Variants in MACROD2 observed in about 807,000 individuals in gnomAD.
The protein encoded by MACROD2 is ADP-ribose glycohydrolase MACROD2.
Under a neutral mutation model 70.4 loss-of-function variants are expected in MACROD2, and 36 were observed. The ratio of observed to expected loss-of-function variants is 0.51; its 90% CI spans 0.39 to 0.68. The LOEUF is 0.68. MACROD2 is among the 30% of genes least tolerant of loss of function. The pLI is 0.00. For synonymous variants in MACROD2, 172 were observed against 178.8 expected, an observed-to-expected ratio of 0.96 and a Z score of 0.30; for missense variants, 496 against 538.4, an observed-to-expected ratio of 0.92 and a Z score of 0.78.
intron 8 of MACROD2, among the ~76,000 whole-genome samples, chr20:15,560,875 T>C (rs2146606469): frequency 6.6e-6 from 1 of 151,754 alleles, no homozygotes; most frequent in East Asian, 1.9e-4. Flanking sequence ...CTGGTTTATG[T>C]CTAAAACAGA....
At chr20:15,363,536 A>G (rs896016066) in intron 6 of MACROD2, among the ~76,000 whole-genome samples, 29 of 152,178 alleles carry the variant, frequency 1.9e-4, no homozygotes, top group Non-Finnish European at 4.0e-4. Context: ...TACCAAATGG[A>G]AGAAATAAGA....
At chr20:15,695,593 T>C (rs1480341346) in intron 8 of MACROD2, among the ~76,000 whole-genome samples, 1 of 152,042 alleles carries the variant, frequency 6.6e-6, no homozygotes, top group African/African-American at 2.4e-5. Context: ...GTATTTTTAG[T>C]AGAGTTGGGG....
intron 3 of MACROD2, among the ~76,000 whole-genome samples, chr20:14,206,409 G>T (rs2081523304): frequency 6.6e-6 from 1 of 152,186 alleles, no homozygotes; most frequent in Non-Finnish European, 1.5e-5. Flanking sequence ...AAGACCAGTT[G>T]TGGGACCATT....
At chr20:15,036,317 A>G (rs2075312796) in intron 5 of MACROD2, among the ~76,000 whole-genome samples, 1 of 152,174 alleles carries the variant, frequency 6.6e-6, no homozygotes, top group South Asian at 2.1e-4. Context: ...ATTGCAGTAC[A>G]TTACGATGAC....
intron 3 of MACROD2, among the ~76,000 whole-genome samples, chr20:14,423,723 C>T (rs2122902852): frequency 7.4e-6 from 1 of 135,360 alleles, no homozygotes; most frequent in Admixed American, 7.3e-5. Context: ...AAAAAAGTTG[C>T]TTTCTAGTCC....
chr20:15,418,890 C>G (rs752513569), intron 6 of MACROD2, among the ~76,000 whole-genome samples: 14 of 152,168 alleles, frequency 9.2e-5, no homozygotes, highest in Non-Finnish European at 8.8e-5. Context: ...TTTCCTCCTT[C>G]TTACCAAGAC....
intron 8 of MACROD2, among the ~76,000 whole-genome samples, chr20:15,772,101 A>AAAAAAAAAAAAAAAAAATAAATATATAT (rs1555777716): frequency 1.1e-5 from 1 of 91,442 alleles, no homozygotes; most frequent in Non-Finnish European, 1.9e-5. Flanking sequence ...AAAAAAAAAA[A>AAAAAAAAAAAAAAAAAATAAATATATAT]ATATATATAT....
chr20:14,417,617 A>C (rs374476248), intron 3 of MACROD2, among the ~76,000 whole-genome samples: 9 of 152,352 alleles, frequency 5.9e-5, no homozygotes, highest in African/African-American at 2.2e-4. Context: ...GAACAAAATT[A>C]TCTGGACATT....
At chr20:15,842,194 G>C (rs897800678) in intron 8 of MACROD2, among the ~76,000 whole-genome samples, 1 of 152,118 alleles carries the variant, frequency 6.6e-6, no homozygotes, top group African/African-American at 2.4e-5. Flanking sequence ...ACCACCTACT[G>C]TCAGGGTAGG....
chr20:14,499,983 TGAAAC>T lies in MACROD2; in HGVS notation c.301+6476_301+6480del, dbSNP rs144177585. 6.8e-3 allele frequency among the ~76,000 whole-genome samples: 1,035 copies of T among 152,194 alleles called. 4 individuals are homozygous for T. Among genetic ancestry groups the T allele is most frequent in the African/African-American group, 0.023 (964 of 41,534 alleles). On this transcript the variant is annotated intron_variant, in intron 4 of 17. Transcript: ENST00000684519. Reference sequence around the variant, plus strand: ...AAATAGGTTCTTCAAGCAGGGAAAATGAAACAGAACAAAGGAAGTCAACAGCTTAT... The same window carrying T: ...AAATAGGTTCTTCAAGCAGGGAAAATAGAACAAAGGAAGTCAACAGCTTAT...
rs192574425 is a variant in MACROD2 at position 14,020,683 on chromosome 20, G to A, written c.163+18279G>A. Among the ~76,000 whole-genome samples, 666 of 152,210 alleles carry A rather than the reference G, an allele frequency of 4.4e-3. 7 individuals carry two copies. The highest frequency in any genetic ancestry group is 0.015 in the African/African-American group (637 of 41,538). ...TTTATTGATTGATTGAGTACTTGTT[G>A]AAGGCTGTAGTAGTCCATTTGTCCT... On this transcript the variant is annotated intron_variant, in intron 2 of 17. Coordinates refer to ENST00000684519, the MANE Select transcript of MACROD2 (RefSeq NM_001351661.2).
intron 5 of MACROD2, among the ~76,000 whole-genome samples, chr20:14,718,323 A>C (rs936208852): frequency 6.8e-6 from 1 of 147,664 alleles, no homozygotes; most frequent in Non-Finnish European, 1.5e-5. Flanking sequence ...AAAAAAGAAG[A>C]GATATATATG....
At chr20:14,127,981 T>G (rs564960202) in intron 3 of MACROD2, 4 of 519,606 alleles carry the variant, frequency 7.7e-6, no homozygotes, top group Non-Finnish European at 1.5e-5. Context: ...CCAAGAACAG[T>G]TGTCAGTGGT....
intron 5 of MACROD2, among the ~76,000 whole-genome samples, chr20:15,204,960 G>A (rs1000475705): frequency 6.6e-6 from 1 of 152,120 alleles, no homozygotes; most frequent in African/African-American, 2.4e-5. Context: ...CAGCCCTAGT[G>A]TAGAGAAGGA....
Position 14,112,745 on chromosome 20 carries a change from T to C in MACROD2, c.271+27017T>C, listed in dbSNP as rs564822252. ...GCACACATTTGGCCATTTTTTGACT[T>C]AATTTTTCTGGAAAAATGACATTTA... On this transcript the variant is annotated intron_variant, in intron 3 of 17. Coordinates refer to ENST00000684519, the MANE Select transcript of MACROD2 (RefSeq NM_001351661.2). Among the ~76,000 whole-genome samples, 149 of 152,104 alleles carry C rather than the reference T, an allele frequency of 9.8e-4. 1 individual carries two copies. The highest frequency in any genetic ancestry group is 3.4e-3 in the African/African-American group (142 of 41,558).
At chr20:15,420,868 T>C (rs2046218392) in intron 6 of MACROD2, among the ~76,000 whole-genome samples, 1 of 152,128 alleles carries the variant, frequency 6.6e-6, no homozygotes, top group Admixed American at 6.5e-5. Context: ...GGAGGATTAC[T>C]TGATGCTAGG....
intron 5 of MACROD2, among the ~76,000 whole-genome samples, chr20:14,768,015 C>T (rs559567788): frequency 6.6e-6 from 1 of 152,240 alleles, no homozygotes; most frequent in East Asian, 1.9e-4. Context: ...ATATGTGCCA[C>T]ATTTTCTTAA....
At chr20:14,702,009 G>A (rs2071202042) in intron 5 of MACROD2, among the ~76,000 whole-genome samples, 1 of 152,006 alleles carries the variant, frequency 6.6e-6, no homozygotes, top group Non-Finnish European at 1.5e-5. Flanking sequence ...TCTCTCTATA[G>A]CTCTGCACTT....
chr20:15,088,394 ATTT>A (rs1237716529), intron 5 of MACROD2, among the ~76,000 whole-genome samples: 2 of 102,942 alleles, frequency 1.9e-5, no homozygotes, highest in African/African-American at 7.8e-5. Flanking sequence ...TATATACTAT[ATTT>A]TATATATATA....
Sources: gnomAD v4.1 joint callset for allele counts (sites outside exome capture counted in the v4.1 genomes callset) on GRCh38, gnomAD v4.1.1 for gene constraint, MANE v1.5 for transcripts, NCBI Gene and HGNC (gene_info 2026-07-23, HGNC 2026-07-21) for gene names.